TTC29: variants seen among roughly 807,000 people sequenced by gnomAD.
TTC29 encodes the protein tetratricopeptide repeat domain 29, also known as tetratricopeptide repeat protein 29.
A neutral mutation model predicts 58.1 loss-of-function variants in TTC29; 49 were observed. The observed-to-expected ratio is 0.84, with a 90% CI of 0.67 to 1.07. TTC29 has a LOEUF of 1.07. Among genes scored for constraint, TTC29 ranks in the 50% least tolerant of loss-of-function variants. TTC29 has a pLI of 0.00. For synonymous variants in TTC29, 209 were observed against 196.8 expected (o/e 1.06, Z -0.52); for missense variants, 582 against 555.6 (o/e 1.05, Z -0.48).
intron 8 of TTC29, among the ~76,000 whole-genome samples, chr4:146,855,778 T>C (rs1248623662): frequency 6.6e-6 from 1 of 152,208 alleles, no homozygotes; most frequent in Non-Finnish European, 1.5e-5. Flanking sequence ...GATTACATTA[T>C]TTCTTTCTGA....
intron 11 of TTC29, among the ~76,000 whole-genome samples, chr4:146,727,709 C>T (rs1244191867): frequency 2.0e-5 from 3 of 152,060 alleles, no homozygotes; most frequent in African/African-American, 7.2e-5. Context: ...ATTCCATTGT[C>T]GGGATATACC....
chr4:146,821,217 T>C (rs1484155568), intron 9 of TTC29, among the ~76,000 whole-genome samples: 2 of 151,976 alleles, frequency 1.3e-5, no homozygotes, highest in Admixed American at 6.6e-5. Flanking sequence ...AAGTGGAGGA[T>C]TGAGAAATGA....
intron 11 of TTC29, among the ~76,000 whole-genome samples, chr4:146,708,303 G>A (rs1165423988): frequency 6.4e-5 from 7 of 108,830 alleles, no homozygotes; most frequent in Non-Finnish European, 1.2e-4. Flanking sequence ...TCAAATATGG[G>A]AAGTTTATAT....
intron 11 of TTC29, among the ~76,000 whole-genome samples, chr4:146,716,367 G>T (rs569761504): frequency 6.6e-6 from 1 of 152,150 alleles, no homozygotes; most frequent in South Asian, 2.1e-4. Flanking sequence ...CTGTATTCAT[G>T]TTCTTTTCAT....
At chr4:146,865,429 C>T (rs1163887000) in intron 8 of TTC29, among the ~76,000 whole-genome samples, 1 of 152,138 alleles carries the variant, frequency 6.6e-6, no homozygotes, top group African/African-American at 2.4e-5. Flanking sequence ...AACACAGGAA[C>T]AGAAAATCAA....
intron 11 of TTC29, among the ~76,000 whole-genome samples, chr4:146,745,740 A>G (rs1745493919): frequency 1.3e-5 from 2 of 152,234 alleles, no homozygotes; most frequent in Admixed American, 1.3e-4. Flanking sequence ...AATAATTTAT[A>G]TAATAGCATA....
chr4:146,836,435 C>A (rs1026688846), intron 8 of TTC29, among the ~76,000 whole-genome samples: 1 of 152,132 alleles, frequency 6.6e-6, no homozygotes, highest in Non-Finnish European at 1.5e-5. Flanking sequence ...AAGACACACC[C>A]TCTGATCCTC....
chr4:146,938,835 C>G (rs539905973), intron 3 of TTC29, among the ~76,000 whole-genome samples: 16 of 152,088 alleles, frequency 1.1e-4, no homozygotes, highest in Non-Finnish European at 2.2e-4. Flanking sequence ...GAAAATAAAC[C>G]TACGTATGCA....
rs780507018 is a variant in TTC29 at position 146,903,659 on chromosome 4, C to A, written c.471G>T (p.Trp157Cys). Reference protein sequence around the residue: ...ACYFNNSEDKWVRNHFYERCF... With the variant: ...ACYFNNSEDKCVRNHFYERCF... ...ATCGTTCATAGAAGTGGTTCCTTACCCACTTGTCTTCAGAATTATTGAAGT... is the reference window on the plus strand; with the variant it reads ...ATCGTTCATAGAAGTGGTTCCTTACACACTTGTCTTCAGAATTATTGAAGT... Residue 157 changes from tryptophan (W) to cysteine (C), a missense_variant, in exon 6 of 13, where the codon TGG becomes TGT. By Grantham distance (215) the Trp-to-Cys change is radical. Transcript: ENST00000325106. 6.2e-7 allele frequency: 1 copy of A among 1,612,716 alleles called. No individual in the cohort carries two copies. The highest frequency in any genetic ancestry group is 8.5e-7 in the Non-Finnish European group (1 of 1,179,388).
At chr4:146,870,152 T>A (rs1012556037) in intron 7 of TTC29, among the ~76,000 whole-genome samples, 3 of 152,070 alleles carry the variant, frequency 2.0e-5, no homozygotes, top group Admixed American at 6.6e-5. Flanking sequence ...CAGAGTAGAC[T>A]CCATTGAAAA....
intron 11 of TTC29, among the ~76,000 whole-genome samples, chr4:146,800,880 T>C (rs28551081): frequency 6.6e-6 from 1 of 152,110 alleles, no homozygotes; most frequent in Non-Finnish European, 1.5e-5. Flanking sequence ...ATGGCCGTGG[T>C]AGGATGCAGA....
Position 146,939,919 on chromosome 4 carries a change from TA to T in TTC29, c.-6-19del. 1 of 1,588,796 alleles carries T rather than the reference TA, an allele frequency of 6.3e-7. No individual in the cohort carries two copies. The highest frequency in any genetic ancestry group is 8.6e-7 in the Non-Finnish European group (1 of 1,168,954). ...ATTTCGGACTACAAAAAGAAATAAGTAGAAATTGTATTTTAAGGAATAAATC... is the reference window on the plus strand; with the variant it reads ...ATTTCGGACTACAAAAAGAAATAAGTGAAATTGTATTTTAAGGAATAAATC... On this transcript the variant is annotated intron_variant, in intron 2 of 12. Coordinates refer to ENST00000325106, the MANE Select transcript of TTC29 (RefSeq NM_031956.4).
chr4:146,874,021 T>A (rs920131426), intron 7 of TTC29, among the ~76,000 whole-genome samples: 2 of 152,188 alleles, frequency 1.3e-5, no homozygotes, highest in Admixed American at 6.6e-5. Context: ...TAAAAGCTTA[T>A]AAGAATATGC....
intron 4 of TTC29, among the ~76,000 whole-genome samples, chr4:146,933,094 G>A (rs1202640648): frequency 6.6e-6 from 1 of 151,534 alleles, no homozygotes; most frequent in Non-Finnish European, 1.5e-5. Context: ...ATTGTTCTTT[G>A]TTTCTTTACA....
At position 146,937,659 on chromosome 4, in the gene TTC29, T is replaced by C. The variant is rs776927748; in HGVS notation, c.111A>G (p.Glu37=). The change falls in exon 4 of 13, where the codon GAA becomes GAG. Residue 37 remains glutamate, a synonymous_variant. Coordinates refer to ENST00000325106, the MANE Select transcript of TTC29 (RefSeq NM_031956.4). ...RKIPRSQLIK[E]KDDIDHYLEV... Reference sequence around the variant, plus strand: ...CTAGATAATGATCTATGTCATCTTTTTCTTTGATCAATTGAGACCTAAATG... The same window carrying C: ...CTAGATAATGATCTATGTCATCTTTCTCTTTGATCAATTGAGACCTAAATG... The C allele has an allele frequency of 5.4e-5, 82 of 1,526,418 alleles. No homozygotes were observed. The highest frequency in any genetic ancestry group is 6.6e-5 in the Non-Finnish European group (75 of 1,129,842). 94.6% of individuals were successfully genotyped at this position (1,526,418 alleles called of 1,614,324 possible).
At chr4:146,864,427 G>C (rs1047969952) in intron 8 of TTC29, among the ~76,000 whole-genome samples, 3 of 152,074 alleles carry the variant, frequency 2.0e-5, no homozygotes, top group African/African-American at 7.2e-5. Flanking sequence ...AATAATTATT[G>C]AAGGTTTATT....
At position 146,753,960 on chromosome 4, in the gene TTC29, C is replaced by T. The variant is rs186614902; in HGVS notation, c.1331-46409G>A. Among the ~76,000 whole-genome samples, 489 of 151,760 alleles carry T rather than the reference C, an allele frequency of 3.2e-3. 5 individuals carry two copies. Among genetic ancestry groups the T allele is most frequent in the African/African-American group, 0.011 (467 of 41,392 alleles). ...AGGAGATATACCTAATGCTAAATGA[C>T]GAGTTAATGGGTGCAGCACACCATC... On this transcript the variant is annotated intron_variant, in intron 11 of 12. Coordinates refer to ENST00000325106, the MANE Select transcript of TTC29 (RefSeq NM_031956.4).
At chr4:146,942,835 C>T (rs1045156494) in intron 2 of TTC29, 58 of 449,180 alleles carry the variant, frequency 1.3e-4, no homozygotes, top group Non-Finnish European at 2.0e-5. Flanking sequence ...GTAATCTCTT[C>T]ATAATTGCAG....
intron 7 of TTC29, among the ~76,000 whole-genome samples, chr4:146,873,017 G>A (rs1284464358): frequency 3.9e-5 from 6 of 152,214 alleles, no homozygotes; most frequent in Admixed American, 6.5e-5. Flanking sequence ...CATAGAAGGC[G>A]ATTTGGCCCT....
Sources: allele counts gnomAD v4.1 joint callset (sites outside exome capture counted in the v4.1 genomes callset), GRCh38; gene constraint gnomAD v4.1.1; transcripts MANE v1.5; gene names NCBI Gene and HGNC (gene_info 2026-07-23, HGNC 2026-07-21).